RGS7: variants seen among roughly 807,000 people sequenced by gnomAD.
RGS7 encodes regulator of G protein signaling 7.
Under a neutral mutation model 81.1 loss-of-function variants are expected in RGS7, and 27 were observed. The observed-to-expected ratio is 0.33, with a 90% CI of 0.25 to 0.46. RGS7 has a LOEUF of 0.46. Ranked by LOEUF, RGS7 falls within the 20% of genes least tolerant of loss-of-function variation. The pLI, the probability that RGS7 is intolerant of heterozygous loss-of-function variation, is 1.00. For synonymous variants in RGS7, 208 were observed against 207.7 expected (o/e 1.00, Z -0.01); for missense variants, 396 against 607.4 (o/e 0.65, Z 3.66).
intron 10 of RGS7, 73 bp from the exon 11 acceptor site, chr1:240,816,488 T>C: frequency 9.7e-7 from 1 of 1,027,454 alleles, no homozygotes; most frequent in Non-Finnish European, 1.5e-6. Context: ...AAAAAGTAAC[T>C]CTAGCATAAA....
intron 2 of RGS7, among the ~76,000 whole-genome samples, chr1:241,151,911 G>A (rs1310952393): frequency 2.6e-5 from 4 of 152,088 alleles, no homozygotes; most frequent in Admixed American, 2.6e-4. Context: ...TGGAATACAA[G>A]CTCCATGGTA....
chr1:241,255,241 T>C (rs139500196), intron 2 of RGS7, among the ~76,000 whole-genome samples: 117 of 152,328 alleles, frequency 7.7e-4, no homozygotes, highest in African/African-American at 2.7e-3. Context: ...TTATGAGGTA[T>C]AAATAAATGT....
intron 18 of RGS7, among the ~76,000 whole-genome samples, chr1:240,777,723 G>A (rs571294951): frequency 1.3e-5 from 2 of 152,294 alleles, no homozygotes; most frequent in Non-Finnish European, 2.9e-5. Flanking sequence ...GTGCATTCTC[G>A]TTGTGTCCTC....
chr1:241,034,191 C>T (rs1467126520), intron 3 of RGS7, among the ~76,000 whole-genome samples: 2 of 152,168 alleles, frequency 1.3e-5, no homozygotes, highest in Non-Finnish European at 2.9e-5. Context: ...GAGATTTGTG[C>T]CATGTCATCC....
chr1:240,861,317 C>T (rs1032307855), intron 9 of RGS7, among the ~76,000 whole-genome samples: 8 of 152,056 alleles, frequency 5.3e-5, no homozygotes, highest in African/African-American at 1.7e-4. Context: ...TTATCCGTGA[C>T]GTCTTTGTTG....
At chr1:241,309,448 T>G (rs1194908695) in intron 2 of RGS7, among the ~76,000 whole-genome samples, 1 of 149,540 alleles carries the variant, frequency 6.7e-6, no homozygotes, top group Non-Finnish European at 1.5e-5. Context: ...ACATAAGGTG[T>G]CTATGAGAAA....
chr1:241,096,705 C>T lies in RGS7; in HGVS notation c.175+1961G>A, dbSNP rs989209068. ...AACCAAGAATTCTTCCAACAGCTTG[C>T]TGTTGAGATATTTGCTATCTGAAGA... On this transcript the variant is annotated intron_variant, in intron 3 of 18. Transcript: ENST00000440928. Among the ~76,000 whole-genome samples, 10 of 152,264 alleles carry T rather than the reference C, an allele frequency of 6.6e-5. No individual in the cohort carries two copies. The South Asian group carries it at 2.1e-3, about 32-fold the overall frequency.
intron 6 of RGS7, among the ~76,000 whole-genome samples, chr1:240,885,517 T>C (rs529391855): frequency 2.0e-5 from 3 of 152,176 alleles, no homozygotes; most frequent in East Asian, 1.9e-4. Flanking sequence ...CAAGGACAGA[T>C]TGGATAAAGA....
intron 2 of RGS7, among the ~76,000 whole-genome samples, chr1:241,160,759 T>C (rs936762577): frequency 2.0e-5 from 3 of 152,210 alleles, no homozygotes; most frequent in Non-Finnish European, 2.9e-5. Flanking sequence ...CCTGGGGTTA[T>C]GGAAGAAGCT....
intron 3 of RGS7, among the ~76,000 whole-genome samples, chr1:241,011,136 G>A (rs2058935999): frequency 6.6e-6 from 1 of 152,174 alleles, no homozygotes; most frequent in South Asian, 2.1e-4. Flanking sequence ...GAGCTAATCT[G>A]TCTGGGTTAG....
intron 14 of RGS7, among the ~76,000 whole-genome samples, chr1:240,808,481 C>T (rs1689271587): frequency 6.6e-6 from 1 of 152,190 alleles, no homozygotes; most frequent in Non-Finnish European, 1.5e-5. Flanking sequence ...TTAATTCCCA[C>T]AGTAATTCTA....
chr1:241,267,471 TTC>T (rs751880017), intron 2 of RGS7, among the ~76,000 whole-genome samples: 34 of 152,214 alleles, frequency 2.2e-4, no homozygotes, highest in Non-Finnish European at 3.5e-4. Context: ...TTGCCTTTTT[TTC>T]TCTCTCTTTC....
At chr1:241,297,462 G>A (rs2079494316) in intron 2 of RGS7, among the ~76,000 whole-genome samples, 1 of 152,196 alleles carries the variant, frequency 6.6e-6, no homozygotes, top group South Asian at 2.1e-4. Flanking sequence ...TGATTCTTCA[G>A]CATTACTGTA....
At position 241,193,183 on chromosome 1, in the gene RGS7, C is replaced by T. The variant is rs6690814; in HGVS notation, c.79-94421G>A. ...CTTTCTTACAACCTATAAGATCAGA[C>T]TTAAGTAAACTCCTAAGCTAATTTT... On this transcript the variant is annotated intron_variant, in intron 2 of 18. Coordinates refer to ENST00000440928, the MANE Select transcript of RGS7 (RefSeq NM_001364886.1). Among the ~76,000 whole-genome samples, 441 of 152,338 alleles carry T rather than the reference C, an allele frequency of 2.9e-3. 2 individuals are homozygous for T. Among genetic ancestry groups the T allele is most frequent in the African/African-American group, 0.01 (417 of 41,562 alleles).
intron 2 of RGS7, among the ~76,000 whole-genome samples, chr1:241,201,109 C>T (rs906687365): frequency 6.6e-6 from 1 of 152,196 alleles, no homozygotes; most frequent in Non-Finnish European, 1.5e-5. Flanking sequence ...GAATCATCAG[C>T]TTTCTCTGGT....
chr1:241,251,699 G>A (rs1178375634), intron 2 of RGS7, among the ~76,000 whole-genome samples: 2 of 151,776 alleles, frequency 1.3e-5, no homozygotes, highest in Admixed American at 6.6e-5. Context: ...TAGTAGAGAC[G>A]GGGTTTCATC....
intron 2 of RGS7, among the ~76,000 whole-genome samples, chr1:241,347,338 G>A (rs1029608235): frequency 5.8e-4 from 88 of 152,074 alleles, no homozygotes; most frequent in African/African-American, 2.1e-3. Context: ...TCAGGGGTGG[G>A]GTGAGAATTC....
intron 4 of RGS7, among the ~76,000 whole-genome samples, chr1:240,937,973 G>T (rs1676925053): frequency 6.6e-6 from 1 of 152,180 alleles, no homozygotes; most frequent in South Asian, 2.1e-4. Flanking sequence ...CAACAAAAGG[G>T]TTAGTAAAAT....
intron 15 of RGS7, among the ~76,000 whole-genome samples, chr1:240,805,355 C>G (rs1348325631): frequency 6.6e-6 from 1 of 151,316 alleles, no homozygotes; most frequent in African/African-American, 2.4e-5. Context: ...CTGTAGGTAA[C>G]AGAGAGAGAA....
Sources: gnomAD v4.1 joint callset for allele counts (sites outside exome capture counted in the v4.1 genomes callset) on GRCh38, gnomAD v4.1.1 for gene constraint, MANE v1.5 for transcripts, NCBI Gene and HGNC (gene_info 2026-07-23, HGNC 2026-07-21) for gene names.